Variants in UTRN observed in about 807,000 individuals in gnomAD.
UTRN encodes the protein utrophin, also known as dystrophin-related protein 1.
UTRN carries 283 observed loss-of-function variants against 463.9 expected under a neutral mutation model. The observed-to-expected ratio is 0.61, with a 90% CI of 0.55 to 0.67. The LOEUF is 0.67. Ranked by LOEUF, UTRN falls within the 30% of genes least tolerant of loss-of-function variation. The probability of loss-of-function intolerance (pLI) is 0.00; values close to 1 mark genes in which losing one functional copy is unlikely to be tolerated. For missense variants in UTRN, 3,922 were observed against 4,084.3 expected (o/e 0.96, Z 1.08); for synonymous variants, 1,442 against 1,431.5 (o/e 1.01, Z -0.17).
intron 51 of UTRN, among the ~76,000 whole-genome samples, chr6:144,584,687 T>C (rs1349311055): frequency 6.6e-6 from 1 of 152,030 alleles, no homozygotes; most frequent in Non-Finnish European, 1.5e-5. Context: ...TTTTTTTTTT[T>C]CCGGAAGTTT....
At chr6:144,340,002 A>G (rs1292524240) in intron 2 of UTRN, among the ~76,000 whole-genome samples, 1 of 152,168 alleles carries the variant, frequency 6.6e-6, no homozygotes, top group Non-Finnish European at 1.5e-5. Context: ...AGCCGTCTCT[A>G]CTAGAAATAT....
intron 52 of UTRN, among the ~76,000 whole-genome samples, chr6:144,690,113 G>T (rs1783235332): frequency 2.0e-5 from 2 of 100,694 alleles, no homozygotes; most frequent in African/African-American, 4.1e-5. Flanking sequence ...GTGTGTGTGT[G>T]TGTGTGTGTG....
At position 144,852,137 on chromosome 6, in the gene UTRN, A is replaced by G. The variant is rs947276227; in HGVS notation, c.*1140A>G. The G allele has an allele frequency of 1.3e-5, 2 of 152,188 alleles. No homozygotes were observed. The highest frequency in any genetic ancestry group is 6.6e-5 in the Admixed American group (1 of 15,264). 9.4% of individuals were successfully genotyped at this position (152,188 alleles called of 1,614,324 possible). A position where few individuals can be genotyped will look rare whatever the true frequency, so the allele number is the denominator to read the frequency against. On this transcript the variant is annotated 3_prime_UTR_variant, in exon 75 of 75. Coordinates refer to ENST00000367545, the MANE Select transcript of UTRN (RefSeq NM_007124.3). ...TATTTTACCTTTCGGGTGAAAGATCAGATGTTTTTATACCCTTCACTTGAT... is the reference window on the plus strand; with the variant it reads ...TATTTTACCTTTCGGGTGAAAGATCGGATGTTTTTATACCCTTCACTTGAT...
chr6:144,793,725 T>G, intron 62 of UTRN, 109 bp from the exon 63 acceptor site: 2 of 1,361,522 alleles, frequency 1.5e-6, no homozygotes, highest in Non-Finnish European at 2.0e-6. Context: ...ATTCATGTCC[T>G]TCTGAAATTT....
chr6:144,533,104 G>A lies in UTRN; in HGVS notation c.6077G>A (p.Ser2026Asn). 6.2e-7 allele frequency: 1 copy of A among 1,609,170 alleles called. No homozygotes were observed. The highest frequency in any genetic ancestry group is 8.5e-7 in the Non-Finnish European group (1 of 1,175,786). The change falls in exon 43 of 75, where the codon AGC becomes AAC. Residue 2026 changes from serine (S) to asparagine (N), a missense_variant. By Grantham distance (46) the Ser-to-Asn change is conservative. Coordinates refer to ENST00000367545, the MANE Select transcript of UTRN (RefSeq NM_007124.3). ...IHQQELEVGI[S>N]SHQPSFAALN... ...TTACAGGAACTTGAGGTGGGCATCA[G>A]CAGCCACCAGCCCAGTTTTGCAGCA...
intron 3 of UTRN, among the ~76,000 whole-genome samples, chr6:144,408,810 A>T (rs1224655304): frequency 1.3e-5 from 2 of 152,186 alleles, no homozygotes; most frequent in African/African-American, 2.4e-5. Context: ...ATGTGGAGGG[A>T]GATTTGTACA....
intron 2 of UTRN, among the ~76,000 whole-genome samples, chr6:144,354,308 G>A (rs964652147): frequency 3.3e-5 from 5 of 152,222 alleles, no homozygotes; most frequent in Non-Finnish European, 5.9e-5. Flanking sequence ...TGCCCCCTGC[G>A]TCAGTAGGAA....
At chr6:144,840,894 A>C (rs866857473) in intron 73 of UTRN, 62 bp downstream of exon 73, 9 of 1,574,328 alleles carry the variant, frequency 5.7e-6, no homozygotes, top group Middle Eastern at 3.4e-4. Context: ...CTTTTTCTGC[A>C]TGCGGCCCTT....
chr6:144,337,370 G>A (rs1584335481), intron 2 of UTRN, among the ~76,000 whole-genome samples: 2 of 152,086 alleles, frequency 1.3e-5, no homozygotes, highest in Non-Finnish European at 1.5e-5. Flanking sequence ...GCTTTGGTGC[G>A]ATTATTGTCT....
chr6:144,301,654 C>T (rs752613012), intron 2 of UTRN, among the ~76,000 whole-genome samples: 2 of 151,352 alleles, frequency 1.3e-5, no homozygotes, highest in African/African-American at 4.9e-5. Context: ...TCTGCCTCAG[C>T]CTCCCAAGTA....
chr6:144,697,502 A>G (rs1784142104), intron 52 of UTRN, among the ~76,000 whole-genome samples: 1 of 152,186 alleles, frequency 6.6e-6, no homozygotes, highest in Non-Finnish European at 1.5e-5. Flanking sequence ...TGAAACTAGA[A>G]CACTGAAGGC....
At chr6:144,355,881 T>C (rs1320690299) in intron 2 of UTRN, among the ~76,000 whole-genome samples, 1 of 152,230 alleles carries the variant, frequency 6.6e-6, no homozygotes, top group Non-Finnish European at 1.5e-5. Flanking sequence ...TTTATAAATT[T>C]ATAGATGAAA....
At chr6:144,633,640 GATA>G (rs964743023) in intron 51 of UTRN, among the ~76,000 whole-genome samples, 10 of 152,206 alleles carry the variant, frequency 6.6e-5, no homozygotes, top group Non-Finnish European at 1.3e-4. Flanking sequence ...ATTTCTTTCA[GATA>G]GTCACCAGAG....
rs145522198 is a variant in UTRN at position 144,580,540 on chromosome 6, G to A, written c.7479+3252G>A. ...TGATACATGCCATTCTTTTAAGGAT[G>A]GATGATGATTTGGATTTATGTATCT... On this transcript the variant is annotated intron_variant, in intron 51 of 74. Transcript: ENST00000367545. 7.2e-5 allele frequency among the ~76,000 whole-genome samples: 11 copies of A among 152,242 alleles called. No individual in the cohort carries two copies. The East Asian group carries it at 2.1e-3, about 29-fold the overall frequency.
chr6:144,683,631 C>G (rs990894113), intron 52 of UTRN, among the ~76,000 whole-genome samples: 3 of 152,162 alleles, frequency 2.0e-5, no homozygotes, highest in Admixed American at 6.6e-5. Context: ...AAATATTTCT[C>G]GAAACTTTTC....
intron 37 of UTRN, among the ~76,000 whole-genome samples, chr6:144,515,472 G>A (rs1795536280): frequency 6.6e-6 from 1 of 151,234 alleles, no homozygotes; most frequent in South Asian, 2.1e-4. Context: ...ACACACCACA[G>A]AACTTGTTTT....
intron 52 of UTRN, among the ~76,000 whole-genome samples, chr6:144,684,007 G>T (rs1782475868): frequency 6.6e-6 from 1 of 151,312 alleles, no homozygotes; most frequent in African/African-American, 2.4e-5. Context: ...TCTATATATA[G>T]GACATGCTTC....
Position 144,542,795 on chromosome 6 carries a change from A to T in UTRN, c.6520A>T (p.Ile2174Phe), listed in dbSNP as rs1397137442. Residue 2174 changes from isoleucine (I) to phenylalanine (F), a missense_variant and splice_region_variant, in exon 46 of 75, where the codon ATT (isoleucine) becomes TTT (phenylalanine). By Grantham distance (21) the Ile-to-Phe change is conservative. This residue lies in a region of UTRN where 2,349 missense variants were observed against 2,303.8 expected (regional missense o/e 1.02). Coordinates refer to ENST00000367545, the MANE Select transcript of UTRN (RefSeq NM_007124.3). ...CTTTCTGTTTGTCCTGATGCGGTAG[A>T]TTTGCAGAGAGGTGCCTACCACCCT... is the stretch of plus-strand genomic sequence containing the variant. Reference protein sequence around the residue: ...LRTVNMTWNKICREVPTTLKE... With the variant: ...LRTVNMTWNKFCREVPTTLKE... 11 of 1,613,282 alleles carry T rather than the reference A, an allele frequency of 6.8e-6. No homozygotes were observed. The East Asian group carries it at 2.5e-4, about 36-fold the overall frequency.
chr6:144,689,739 A>G (rs1783126119), intron 52 of UTRN, among the ~76,000 whole-genome samples: 2 of 152,186 alleles, frequency 1.3e-5, no homozygotes, highest in Non-Finnish European at 2.9e-5. Context: ...CCTTGGTTAT[A>G]AATAGCCTTA....
Sources: gnomAD v4.1 joint callset for allele counts (sites outside exome capture counted in the v4.1 genomes callset) on GRCh38, gnomAD v4.1.1 for gene constraint, gnomAD v4.1.1 regional missense constraint, MANE v1.5 for transcripts, NCBI Gene and HGNC (gene_info 2026-07-23, HGNC 2026-07-21) for gene names.